KCNIP1: variants seen among roughly 807,000 people sequenced by gnomAD.
The protein encoded by KCNIP1 is potassium voltage-gated channel interacting protein 1.
A neutral mutation model predicts 33.0 loss-of-function variants in KCNIP1; 18 were observed. That is an observed-to-expected ratio of 0.55 (90% CI 0.38 to 0.81). The LOEUF is 0.81. KCNIP1 is among the 30% of genes least tolerant of loss of function. The pLI is 0.00. For synonymous variants in KCNIP1, 93 were observed against 98.3 expected (o/e 0.95, Z 0.32); for missense variants, 238 against 271.6 (o/e 0.88, Z 0.87).
chr5:170,601,267 G>C (rs1758679041), intron 1 of KCNIP1, among the ~76,000 whole-genome samples: 2 of 152,338 alleles, frequency 1.3e-5, no homozygotes, highest in South Asian at 4.1e-4. Context: ...GTGTAGAGGA[G>C]AATATGGCTT....
At chr5:170,493,407 G>A (rs1757247369) in intron 1 of KCNIP1, among the ~76,000 whole-genome samples, 1 of 152,172 alleles carries the variant, frequency 6.6e-6, no homozygotes, top group African/African-American at 2.4e-5. Flanking sequence ...GCATATAGAA[G>A]CTAGGAAGGT....
At chr5:170,372,578 C>T (rs1763874170) in intron 1 of KCNIP1, among the ~76,000 whole-genome samples, 1 of 152,092 alleles carries the variant, frequency 6.6e-6, no homozygotes, top group African/African-American at 2.4e-5. Flanking sequence ...AGTTATCTCA[C>T]TGGAAAAAAG....
At chr5:170,676,195 A>T (rs1284665348) in intron 1 of KCNIP1, among the ~76,000 whole-genome samples, 1 of 145,158 alleles carries the variant, frequency 6.9e-6, no homozygotes, top group African/African-American at 2.5e-5. Context: ...AGGAAAGGAA[A>T]GGAAAGGAAA....
At chr5:170,700,150 G>C (rs538455141) in intron 1 of KCNIP1, among the ~76,000 whole-genome samples, 4 of 151,610 alleles carry the variant, frequency 2.6e-5, no homozygotes, top group African/African-American at 9.7e-5. Context: ...GTTCTCCTGT[G>C]GGCTCCTTGT....
intron 1 of KCNIP1, among the ~76,000 whole-genome samples, chr5:170,667,986 G>A (rs1005149258): frequency 6.6e-6 from 1 of 152,122 alleles, no homozygotes; most frequent in Non-Finnish European, 1.5e-5. Flanking sequence ...GGGCTCATAC[G>A]TCCATCCCCA....
At chr5:170,507,814 T>C (rs1374868045) in intron 1 of KCNIP1, among the ~76,000 whole-genome samples, 1 of 152,250 alleles carries the variant, frequency 6.6e-6, no homozygotes, top group African/African-American at 2.4e-5. Flanking sequence ...GCCATGCCAC[T>C]GAATAAAAAT....
At chr5:170,624,253 T>G (rs4867996) in intron 1 of KCNIP1, among the ~76,000 whole-genome samples, 72,434 of 152,068 alleles carry the variant, frequency 0.48, 17,840 homozygotes, top group East Asian at 0.67. Context: ...CTATGTGCCA[T>G]TCTCCAGTAG....
chr5:170,377,487 C>T (rs1157800697), intron 1 of KCNIP1: 4 of 152,226 alleles, frequency 2.6e-5, no homozygotes, highest in Admixed American at 2.0e-4. Context: ...CCAGCAGGCT[C>T]AGTGCCAGAG....
At chr5:170,546,796 A>G (rs78053991) in intron 1 of KCNIP1, among the ~76,000 whole-genome samples, 2,556 of 152,254 alleles carry the variant, frequency 0.017, 93 homozygotes, top group African/African-American at 0.058. Flanking sequence ...AGACATTATT[A>G]TTATTAATAT....
intron 1 of KCNIP1, among the ~76,000 whole-genome samples, chr5:170,379,597 A>G (rs1448143469): frequency 2.0e-5 from 3 of 151,880 alleles, no homozygotes; most frequent in Non-Finnish European, 4.4e-5. Flanking sequence ...GGCAGTCACC[A>G]CTCCCTCCAG....
intron 1 of KCNIP1, among the ~76,000 whole-genome samples, chr5:170,615,388 CG>C (rs1561719122): frequency 6.6e-6 from 1 of 152,166 alleles, no homozygotes; most frequent in Non-Finnish European, 1.5e-5. Context: ...CAGAAGCACA[CG>C]GAACGCAGAC....
At chr5:170,446,926 T>C (rs1405542618) in intron 1 of KCNIP1, among the ~76,000 whole-genome samples, 2 of 152,204 alleles carry the variant, frequency 1.3e-5, no homozygotes, top group African/African-American at 4.8e-5. Context: ...AAATTTCCTC[T>C]CTCTACATGC....
At chr5:170,413,642 T>C (rs910394006) in intron 1 of KCNIP1, among the ~76,000 whole-genome samples, 10 of 152,126 alleles carry the variant, frequency 6.6e-5, no homozygotes, top group African/African-American at 9.7e-5. Flanking sequence ...GCATCACACA[T>C]TGGACATGAC....
At chr5:170,468,063 A>G (rs867402816) in intron 1 of KCNIP1, among the ~76,000 whole-genome samples, 1 of 152,276 alleles carries the variant, frequency 6.6e-6, no homozygotes, top group Middle Eastern at 3.4e-3. Flanking sequence ...AGAGTCATAT[A>G]TGAACTTTTC....
intron 1 of KCNIP1, among the ~76,000 whole-genome samples, chr5:170,629,181 C>CA (rs1759954224): frequency 6.6e-6 from 1 of 152,232 alleles, no homozygotes; most frequent in Admixed American, 6.5e-5. Context: ...CTCTGGGAGA[C>CA]AGACTCTCAG....
At chr5:170,575,966 G>C (rs753418729) in intron 1 of KCNIP1, among the ~76,000 whole-genome samples, 6 of 152,148 alleles carry the variant, frequency 3.9e-5, no homozygotes, top group Non-Finnish European at 8.8e-5. Context: ...GTATCAGTTA[G>C]CTATTGCTGT....
chr5:170,412,927 G>A (rs61506684), intron 1 of KCNIP1, among the ~76,000 whole-genome samples: 4,367 of 152,104 alleles, frequency 0.029, 99 homozygotes, highest in African/African-American at 0.065. Context: ...ACCCAGCCTC[G>A]TGACTATCTG....
intron 1 of KCNIP1, among the ~76,000 whole-genome samples, chr5:170,603,968 G>C (rs1274217704): frequency 6.6e-6 from 1 of 152,238 alleles, no homozygotes; most frequent in Non-Finnish European, 1.5e-5. Flanking sequence ...GAAACTGTGA[G>C]TAAAGGAGTC....
intron 1 of KCNIP1, among the ~76,000 whole-genome samples, chr5:170,697,395 C>T (rs1169122349): frequency 2.0e-5 from 3 of 152,202 alleles, no homozygotes; most frequent in African/African-American, 4.8e-5. Flanking sequence ...GCCAAAGTGC[C>T]TTGCACATAT....
Sources: gnomAD v4.1 joint callset for allele counts (sites outside exome capture counted in the v4.1 genomes callset) on GRCh38, gnomAD v4.1.1 for gene constraint, MANE v1.5 for transcripts, NCBI Gene and HGNC (gene_info 2026-07-23, HGNC 2026-07-21) for gene names.